Variants in MYO10 observed in about 807,000 individuals in gnomAD.
MYO10 encodes the protein unconventional myosin-X.
A neutral mutation model predicts 257.3 loss-of-function variants in MYO10; 133 were observed. That is an observed-to-expected ratio of 0.52 (90% CI 0.45 to 0.60). The LOEUF (loss-of-function observed/expected upper bound fraction) is 0.60, where lower values mean the gene tolerates loss of function less well. Ranked by LOEUF, MYO10 falls within the 20% of genes least tolerant of loss-of-function variation. The pLI, the probability that MYO10 is intolerant of heterozygous loss-of-function variation, is 0.00. For missense variants in MYO10, 2,399 were observed against 2,635.7 expected (o/e 0.91, Z 1.97); for synonymous variants, 1,104 against 1,028.6 (o/e 1.07, Z -1.40).
intron 1 of MYO10, among the ~76,000 whole-genome samples, chr5:16,932,852 T>C (rs31458): frequency 0.39 from 59,799 of 151,716 alleles, 12,004 homozygotes; most frequent in Middle Eastern, 0.5. Flanking sequence ...GCAATCATGG[T>C]TCACTGCAGC....
intron 22 of MYO10, 33 bp from the exon 23 acceptor site, chr5:16,703,191 TG>T: frequency 6.6e-7 from 1 of 1,509,254 alleles, no homozygotes; most frequent in Non-Finnish European, 9.1e-7. Flanking sequence ...GAATCGGCAT[TG>T]AAGTAATGAG....
intron 19 of MYO10, among the ~76,000 whole-genome samples, chr5:16,720,366 A>G (rs16869034): frequency 0.042 from 6,441 of 152,214 alleles, 335 homozygotes; most frequent in African/African-American, 0.12. Flanking sequence ...TTGCTAGACT[A>G]TTTCTCAAAG....
chr5:16,704,362 C>G (rs140273955), intron 22 of MYO10, among the ~76,000 whole-genome samples: 1 of 152,246 alleles, frequency 6.6e-6, no homozygotes, highest in East Asian at 1.9e-4. Context: ...TCCCTGCTGT[C>G]ACTGTTCTTT....
At chr5:16,756,911 G>A (rs1357399033) in intron 18 of MYO10, among the ~76,000 whole-genome samples, 1 of 151,828 alleles carries the variant, frequency 6.6e-6, no homozygotes, top group Non-Finnish European at 1.5e-5. Context: ...GATCAGCCTG[G>A]GCAACATAAT....
intron 22 of MYO10, among the ~76,000 whole-genome samples, chr5:16,704,085 G>A (rs1738216803): frequency 6.6e-6 from 1 of 151,838 alleles, no homozygotes; most frequent in South Asian, 2.1e-4. Context: ...CCAGCACTTT[G>A]TCAGCCGGGA....
At chr5:16,818,387 T>C (rs1473952800) in intron 2 of MYO10, among the ~76,000 whole-genome samples, 53 of 30,280 alleles carry the variant, frequency 1.8e-3, no homozygotes, top group Admixed American at 2.5e-3. Flanking sequence ...TGTGCGTGTG[T>C]GTGTGTGTGT....
intron 1 of MYO10, among the ~76,000 whole-genome samples, chr5:16,890,773 G>A (rs1162217752): frequency 6.6e-6 from 1 of 151,776 alleles, no homozygotes; most frequent in Admixed American, 6.6e-5. Flanking sequence ...CCGAGAAGCA[G>A]AGGTTGCAGG....
At chr5:16,671,138 TTTAA>T (rs1243725574) in intron 38 of MYO10, among the ~76,000 whole-genome samples, 160 bp from the exon 39 acceptor site, 2 of 152,190 alleles carry the variant, frequency 1.3e-5, no homozygotes, top group African/African-American at 4.8e-5. Flanking sequence ...CTGCTTTAAA[TTTAA>T]TTTTCTCCCT....
chr5:16,670,460 G>A, intron 39 of MYO10, 66 bp downstream of exon 39: 2 of 1,387,338 alleles, frequency 1.4e-6, no homozygotes, highest in South Asian at 2.7e-5. Flanking sequence ...ACATGAACTT[G>A]GCCGTGATCC....
chr5:16,916,791 GAT>G (rs1198203382), intron 1 of MYO10, among the ~76,000 whole-genome samples: 10 of 152,150 alleles, frequency 6.6e-5, no homozygotes, highest in Non-Finnish European at 1.5e-4. Context: ...AAAGAAAAAA[GAT>G]ATGAATTCAC....
intron 19 of MYO10, among the ~76,000 whole-genome samples, chr5:16,744,383 G>A (rs1035258785): frequency 6.6e-6 from 1 of 152,088 alleles, no homozygotes; most frequent in Non-Finnish European, 1.5e-5. Context: ...GCCACACAAG[G>A]TGTAGTGATG....
intron 27 of MYO10, among the ~76,000 whole-genome samples, chr5:16,691,800 G>A (rs1387909185): frequency 2.0e-5 from 3 of 151,912 alleles, no homozygotes; most frequent in Admixed American, 2.0e-4. Flanking sequence ...CAACACAAGT[G>A]AAGCACTCTT....
chr5:16,765,488 A>G (rs1398170813), intron 11 of MYO10, among the ~76,000 whole-genome samples: 3 of 152,158 alleles, frequency 2.0e-5, no homozygotes, highest in African/African-American at 4.8e-5. Flanking sequence ...CTTTATATCT[A>G]TCAATCTATC....
In MYO10 at chr5:16,669,256, C is replaced by T. The variant is rs139773979; in HGVS notation, c.5884-788G>A. On this transcript the variant is annotated intron_variant, in intron 39 of 40. Transcript: ENST00000513610. ...TTTGACGGAGTCTCACTCTGTCGCCCAGGCTGGAGTGCAGTGGCGTGATCC... is the reference window on the plus strand; with the variant it reads ...TTTGACGGAGTCTCACTCTGTCGCCTAGGCTGGAGTGCAGTGGCGTGATCC... Among the ~76,000 whole-genome samples, 538 of 151,660 alleles carry T rather than the reference C, an allele frequency of 3.5e-3. 4 individuals carry two copies. The highest frequency in any genetic ancestry group is 0.012 in the African/African-American group (513 of 41,320).
chr5:16,780,599 C>T lies in MYO10; in HGVS notation c.751G>A (p.Val251Ile). Residue 251 changes from valine to isoleucine, a missense_variant, in exon 8 of 41, where the codon GTA becomes ATA. Val to Ile is a conservative substitution (Grantham distance 29). This residue lies in a region of MYO10 where 337 missense variants were observed against 446.8 expected (regional missense o/e 0.75). Coordinates refer to ENST00000513610, the MANE Select transcript of MYO10 (RefSeq NM_012334.3). Reference sequence around the variant, plus strand: ...TTCCTTTCCCCGGGATTTTGCCTTACTACTCGGTTCTGGGAAGATAAATCA... The same window carrying T: ...TTCCTTTCCCCGGGATTTTGCCTTATTACTCGGTTCTGGGAAGATAAATCA... ...VDYLLEKNRV[V>I]RQNPGERNYH... is the part of the protein sequence containing the mutation. 6.3e-7 allele frequency: 1 copy of T among 1,576,032 alleles called. No individual in the cohort carries two copies. The highest frequency in any genetic ancestry group is 8.6e-7 in the Non-Finnish European group (1 of 1,158,724).
At chr5:16,859,166 A>C (rs190234473) in intron 2 of MYO10, among the ~76,000 whole-genome samples, 2 of 151,514 alleles carry the variant, frequency 1.3e-5, no homozygotes, top group Admixed American at 1.3e-4. Flanking sequence ...CTGCTGTAAC[A>C]AACTACCACA....
intron 29 of MYO10, 68 bp from the exon 30 acceptor site, chr5:16,684,003 C>A: frequency 7.3e-7 from 1 of 1,372,880 alleles, no homozygotes; most frequent in Admixed American, 1.9e-5. Context: ...ACAGTAATAC[C>A]TCTAGCCCAC....
intron 2 of MYO10, among the ~76,000 whole-genome samples, chr5:16,869,474 A>G (rs1435567930): frequency 5.9e-5 from 9 of 151,990 alleles, no homozygotes; most frequent in African/African-American, 1.9e-4. Flanking sequence ...TACTCAGGAG[A>G]CTGAGACAGA....
At chr5:16,676,440 A>G (rs26748) in intron 33 of MYO10, among the ~76,000 whole-genome samples, 62,214 of 152,054 alleles carry the variant, frequency 0.41, 13,509 homozygotes, top group African/African-American at 0.56. Flanking sequence ...ATCTCAGCAG[A>G]GCACGGTGGC....
Sources: allele counts gnomAD v4.1 joint callset (sites outside exome capture counted in the v4.1 genomes callset), GRCh38; gene constraint gnomAD v4.1.1; regional missense constraint gnomAD v4.1.1; transcripts MANE v1.5; gene names NCBI Gene and HGNC (gene_info 2026-07-23, HGNC 2026-07-21).